Variants in TTC9 observed in about 807,000 individuals in gnomAD.
TTC9 encodes the protein tetratricopeptide repeat protein 9A.
TTC9 carries 13 observed loss-of-function variants against 22.9 expected under a neutral mutation model. The observed-to-expected ratio is 0.57, with a 90% CI of 0.37 to 0.90. The LOEUF is 0.90. Ranked by LOEUF, TTC9 falls within the 40% of genes least tolerant of loss-of-function variation. The pLI, the probability that TTC9 is intolerant of heterozygous loss-of-function variation, is 0.01. For missense variants in TTC9, 280 were observed against 291.8 expected (o/e 0.96, Z 0.29); for synonymous variants, 148 against 133.2 (o/e 1.11, Z -0.77).
chr14:70,669,027 G>A lies in TTC9; in HGVS notation c.589+1281G>A, dbSNP rs560804989. On this transcript the variant is annotated intron_variant, in intron 2 of 2. Transcript: ENST00000256367. ...AAAAATTATCTGGGCATGGTGGCAC[G>A]CACTTGTAGTCCCAGCTACTCAGGA... is the stretch of plus-strand genomic sequence containing the variant. Among the ~76,000 whole-genome samples, 5 of 150,316 alleles carry A rather than the reference G, an allele frequency of 3.3e-5. No homozygotes were observed. In the East Asian group the frequency reaches 8.1e-4, roughly 24 times the overall value.
chr14:70,665,735 C>A (rs1886206800), intron 1 of TTC9, among the ~76,000 whole-genome samples: 1 of 151,868 alleles, frequency 6.6e-6, no homozygotes, highest in South Asian at 2.1e-4. Context: ...CCTAAATGCT[C>A]AAAAAAAATC....
chr14:70,652,360 G>A (rs2139642324), intron 1 of TTC9, among the ~76,000 whole-genome samples: 1 of 152,346 alleles, frequency 6.6e-6, no homozygotes, highest in South Asian at 2.1e-4. Flanking sequence ...GGATGATACA[G>A]TCAGGCACTG....
At chr14:70,659,408 CAA>C (rs1351946333) in intron 1 of TTC9, among the ~76,000 whole-genome samples, 1 of 152,014 alleles carries the variant, frequency 6.6e-6, no homozygotes, top group Non-Finnish European at 1.5e-5. Flanking sequence ...ACTAGCTAAG[CAA>C]AGATAGGTGT....
At chr14:70,661,063 G>A (rs1344821705) in intron 1 of TTC9, among the ~76,000 whole-genome samples, 3 of 152,084 alleles carry the variant, frequency 2.0e-5, no homozygotes, top group Non-Finnish European at 2.9e-5. Flanking sequence ...TCAAGGTGTC[G>A]GCAGGGTTGG....
At chr14:70,660,161 C>T (rs965329297) in intron 1 of TTC9, among the ~76,000 whole-genome samples, 15 of 152,284 alleles carry the variant, frequency 9.9e-5, no homozygotes, top group African/African-American at 2.6e-4. Context: ...TCTCCTTGGC[C>T]GGGGTTCTTA....
chr14:70,665,250 TGGACA>T (rs1886198541), intron 1 of TTC9, among the ~76,000 whole-genome samples: 1 of 152,192 alleles, frequency 6.6e-6, no homozygotes, highest in African/African-American at 2.4e-5. Context: ...GTGGAAGCTG[TGGACA>T]GGACAGCTTT....
intron 1 of TTC9, among the ~76,000 whole-genome samples, chr14:70,651,595 C>T (rs1379748711): frequency 6.6e-6 from 1 of 152,112 alleles, no homozygotes; most frequent in African/African-American, 2.4e-5. Flanking sequence ...CATCCCAGTC[C>T]ACACAAAGGG....
intron 1 of TTC9, among the ~76,000 whole-genome samples, chr14:70,653,835 C>G (rs1036514617): frequency 5.3e-5 from 8 of 152,170 alleles, no homozygotes; most frequent in Non-Finnish European, 1.0e-4. Flanking sequence ...ATGCTGTGAT[C>G]ATTTGAGTCC....
At chr14:70,668,380 A>G (rs1292896532) in intron 2 of TTC9, among the ~76,000 whole-genome samples, 2 of 152,222 alleles carry the variant, frequency 1.3e-5, no homozygotes, top group Non-Finnish European at 2.9e-5. Flanking sequence ...ATAATGGCTC[A>G]CTGTCTATTG....
At chr14:70,655,517 A>G (rs1363827927) in intron 1 of TTC9, among the ~76,000 whole-genome samples, 1 of 152,102 alleles carries the variant, frequency 6.6e-6, no homozygotes, top group Non-Finnish European at 1.5e-5. Flanking sequence ...GTGTGGGTGT[A>G]TGATCATTTA....
intron 1 of TTC9, among the ~76,000 whole-genome samples, chr14:70,665,395 G>A (rs1022109477): frequency 2.6e-5 from 4 of 152,152 alleles, no homozygotes; most frequent in African/African-American, 7.2e-5. Flanking sequence ...CACAGGCTCC[G>A]ACAACATGCA....
At chr14:70,644,082 A>G (rs1885868739) in intron 1 of TTC9, among the ~76,000 whole-genome samples, 1 of 152,216 alleles carries the variant, frequency 6.6e-6, no homozygotes. Flanking sequence ...AGGACGAGGC[A>G]CTGTGGATTG....
intron 1 of TTC9, among the ~76,000 whole-genome samples, chr14:70,652,953 G>A (rs1886007220): frequency 6.6e-6 from 1 of 152,216 alleles, no homozygotes; most frequent in Admixed American, 6.5e-5. Context: ...GAAAACCTGA[G>A]GGGTAATGTG....
At chr14:70,668,991 C>G (rs866630257) in intron 2 of TTC9, among the ~76,000 whole-genome samples, 1 of 151,580 alleles carries the variant, frequency 6.6e-6, no homozygotes, top group Non-Finnish European at 1.5e-5. Flanking sequence ...CCCGTCTCTA[C>G]TAAAAATACA....
rs1185968506 is a variant in TTC9 at position 70,673,354 on chromosome 14, G to A, written c.*2199G>A. On this transcript the variant is annotated 3_prime_UTR_variant, in exon 3 of 3. Coordinates refer to ENST00000256367, the MANE Select transcript of TTC9 (RefSeq NM_015351.2). The stretch of plus-strand genomic sequence containing the variant: ...AGTTCCCCAAAGGCTTTCAACGGGG[G>A]CTACAGGAAGGTGCTAGAAATATTG... 6.6e-6 allele frequency: 1 copy of A among 152,224 alleles called. No individual in the cohort carries two copies. The highest frequency in any genetic ancestry group is 2.4e-5 in the African/African-American group (1 of 41,448). The allele number at this position is 152,224 out of a possible 1,614,324, so 9.4% of individuals were successfully genotyped here. A position where few individuals can be genotyped will look rare whatever the true frequency, so the allele number is the denominator to read the frequency against.
chr14:70,655,246 T>C (rs1056536095), intron 1 of TTC9, among the ~76,000 whole-genome samples: 6 of 151,984 alleles, frequency 3.9e-5, no homozygotes, highest in African/African-American at 1.5e-4. Flanking sequence ...ATACAAAAAT[T>C]AGCCAGGCGC....
In TTC9 at chr14:70,642,336, G is replaced by T; in HGVS notation, c.207G>T (p.Lys69Asn). ...EFKSQGAQCYKDKKFREAIGK... is the reference protein window; with the variant it reads ...EFKSQGAQCYNDKKFREAIGK... Reference sequence around the variant, plus strand: ...AAAGCCAAGGGGCGCAGTGCTACAAGGACAAGAAATTCCGTGAAGCCATAG... The same window carrying T: ...AAAGCCAAGGGGCGCAGTGCTACAATGACAAGAAATTCCGTGAAGCCATAG... The change falls in exon 1 of 3, where the codon AAG becomes AAT. Residue 69 changes from lysine (K) to asparagine (N), a missense_variant. By Grantham distance (94) the Lys-to-Asn change is moderately conservative (BLOSUM62 0). This residue lies in a region of TTC9 where 165 missense variants were observed against 145.4 expected (regional missense o/e 1.14). Transcript: ENST00000256367. 1 of 1,596,960 alleles carries T rather than the reference G, an allele frequency of 6.3e-7. No homozygotes were observed. The highest frequency in any genetic ancestry group is 2.3e-5 in the East Asian group (1 of 43,632).
chr14:70,671,158 A>G lies in TTC9; in HGVS notation c.*3A>G, dbSNP rs1175765394. ...AGAGAGAAAAAGAAGCCATGTAACC[A>G]GGAAGCAGCTCCAGAGCTGCGCCCA... On this transcript the variant is annotated 3_prime_UTR_variant, in exon 3 of 3. Transcript: ENST00000256367. 2 of 1,613,216 alleles carry G rather than the reference A, an allele frequency of 1.2e-6. No individual in the cohort carries two copies. Among genetic ancestry groups the G allele is most frequent in the Non-Finnish European group, 1.7e-6 (2 of 1,179,580 alleles).
intron 1 of TTC9, among the ~76,000 whole-genome samples, chr14:70,659,124 A>ACACG (rs1555362243): frequency 2.8e-4 from 35 of 122,854 alleles, no homozygotes; most frequent in Non-Finnish European, 5.2e-4. Flanking sequence ...AACTAAACAC[A>ACACG]CACACACGCA....
Sources: gnomAD v4.1 joint callset for allele counts (sites outside exome capture counted in the v4.1 genomes callset) on GRCh38, gnomAD v4.1.1 for gene constraint, gnomAD v4.1.1 regional missense constraint, MANE v1.5 for transcripts, NCBI Gene and HGNC (gene_info 2026-07-23, HGNC 2026-07-21) for gene names.